OCIAD1: variants seen among roughly 807,000 people sequenced by gnomAD.
OCIAD1 encodes the protein OCIA domain-containing protein 1.
Under a neutral mutation model 38.9 loss-of-function variants are expected in OCIAD1, and 29 were observed. That is an observed-to-expected ratio of 0.74 (90% CI 0.55 to 1.02). The LOEUF is 1.02. Ranked by LOEUF, OCIAD1 falls within the 50% of genes least tolerant of loss-of-function variation. The pLI, the probability that OCIAD1 is intolerant of heterozygous loss-of-function variation, is 0.00. For synonymous variants in OCIAD1, 110 were observed against 92.0 expected (o/e 1.20, Z -1.12); for missense variants, 288 against 289.6 (o/e 0.99, Z 0.04).
chr4:48,845,538 T>A (rs908336081), intron 4 of OCIAD1, among the ~76,000 whole-genome samples: 1 of 152,194 alleles, frequency 6.6e-6, no homozygotes, highest in Non-Finnish European at 1.5e-5. Context: ...TACATTGTTA[T>A]ATAGCACTAA....
chr4:48,824,466 G>C (rs1284154202), intron 1 of OCIAD1, among the ~76,000 whole-genome samples: 1 of 151,888 alleles, frequency 6.6e-6, no homozygotes, highest in Non-Finnish European at 1.5e-5. Flanking sequence ...CTGCAACCCT[G>C]AACTCCTGGT....
chr4:48,850,055 G>C lies in OCIAD1; in HGVS notation c.350G>C (p.Gly117Ala). The part of the protein sequence containing the change: ...NSPLGEALRS[G>A]QARRSSPPGH... ...CCCCTTGGAGAAGCTTTACGATCAG[G>C]ACAAGCACGACGATCTTCACCACCT... The change falls in exon 6 of 9, where the codon GGA (glycine) becomes GCA (alanine). Residue 117 changes from glycine to alanine, a missense_variant. By Grantham distance (60) the Gly-to-Ala change is moderately conservative (BLOSUM62 0). Coordinates refer to ENST00000264312, the MANE Select transcript of OCIAD1 (RefSeq NM_017830.4). The C allele has an allele frequency of 6.2e-7, 1 of 1,612,576 alleles. No individual in the cohort carries two copies. Among genetic ancestry groups the C allele is most frequent in the Non-Finnish European group, 8.5e-7 (1 of 1,179,680 alleles).
At chr4:48,860,309 T>A (rs1220636647) in intron 8 of OCIAD1, 3 of 152,802 alleles carry the variant, frequency 2.0e-5, no homozygotes, top group Non-Finnish European at 4.4e-5. Flanking sequence ...TATTTCCCAC[T>A]ATTTTTTTTT....
chr4:48,831,616 T>C, intron 1 of OCIAD1: 1 of 1,167,476 alleles, frequency 8.6e-7, no homozygotes. Flanking sequence ...TTAAGCGCCG[T>C]GTCAGCCCTG....
chr4:48,859,471 T>A (rs1228216279), intron 8 of OCIAD1, among the ~76,000 whole-genome samples: 2 of 152,198 alleles, frequency 1.3e-5, no homozygotes, highest in Non-Finnish European at 2.9e-5. Flanking sequence ...TTACACTGTA[T>A]CAGAAATTGA....
rs543187312 is a variant in OCIAD1 at position 48,846,917 on chromosome 4, C to G, written c.194-1482C>G. Among the ~76,000 whole-genome samples the G allele has an allele frequency of 4.6e-5, 7 of 152,302 alleles. No individual in the cohort carries two copies. The South Asian group carries it at 1.4e-3, about 32-fold the overall frequency. ...TGTGTGAATACACCAGTTTATCTATCTGAACTGTGCATTGATAATTGGTAG... is the reference window on the plus strand; with the variant it reads ...TGTGTGAATACACCAGTTTATCTATGTGAACTGTGCATTGATAATTGGTAG... On this transcript the variant is annotated intron_variant, in intron 4 of 8. Transcript: ENST00000264312.
intron 4 of OCIAD1, 51 bp downstream of exon 4, chr4:48,842,740 T>C (rs1778649213): frequency 1.0e-6 from 1 of 976,070 alleles, no homozygotes; most frequent in African/African-American, 1.7e-5. Flanking sequence ...CCATGTTTGT[T>C]TTGTGGTATT....
intron 1 of OCIAD1, among the ~76,000 whole-genome samples, chr4:48,809,134 C>T (rs748891099): frequency 6.6e-6 from 1 of 152,184 alleles, no homozygotes; most frequent in Non-Finnish European, 1.5e-5. Context: ...CTGTTACCTA[C>T]ACAGCTCATA....
intron 1 of OCIAD1, among the ~76,000 whole-genome samples, chr4:48,823,824 CTT>C (rs71660459): frequency 1.4e-5 from 1 of 70,130 alleles, no homozygotes; most frequent in Non-Finnish European, 2.4e-5. Context: ...CAATGCCTGG[CTT>C]TTTTTTTTTT....
intron 1 of OCIAD1, among the ~76,000 whole-genome samples, chr4:48,806,616 T>C (rs1579031248): frequency 1.3e-5 from 2 of 152,194 alleles, no homozygotes; most frequent in African/African-American, 4.8e-5. Flanking sequence ...ACTTTTTTTT[T>C]CTTTTTTTGA....
intron 1 of OCIAD1, among the ~76,000 whole-genome samples, chr4:48,808,894 C>G (rs1038507160): frequency 2.6e-5 from 4 of 152,172 alleles, no homozygotes; most frequent in African/African-American, 9.7e-5. Context: ...AGGGGTTCTA[C>G]CACCCAGTAC....
chr4:48,810,580 A>G (rs1777077048), intron 1 of OCIAD1, among the ~76,000 whole-genome samples: 1 of 151,962 alleles, frequency 6.6e-6, no homozygotes, highest in South Asian at 2.1e-4. Context: ...TATGATATAT[A>G]CTCACCAATG....
intron 6 of OCIAD1, among the ~76,000 whole-genome samples, chr4:48,851,580 G>T (rs942616195): frequency 1.1e-4 from 16 of 152,058 alleles, no homozygotes; most frequent in Non-Finnish European, 2.2e-4. Flanking sequence ...AAGCTGAGGG[G>T]TAGGAGGATT....
chr4:48,839,435 CA>C (rs34347200), intron 3 of OCIAD1, among the ~76,000 whole-genome samples: 118 of 119,178 alleles, frequency 9.9e-4, no homozygotes, highest in Admixed American at 1.7e-3. Context: ...GACTTCATCT[CA>C]AAAAAAAAAA....
intron 1 of OCIAD1, among the ~76,000 whole-genome samples, chr4:48,807,436 T>C (rs986013854): frequency 6.6e-6 from 1 of 152,166 alleles, no homozygotes; most frequent in Non-Finnish European, 1.5e-5. Context: ...CGCCCTTGTA[T>C]CTCAACTTCC....
chr4:48,852,528 G>A, intron 7 of OCIAD1: 1 of 152,172 alleles, frequency 6.6e-6, no homozygotes, highest in East Asian at 1.9e-4. Flanking sequence ...CATCAATTTT[G>A]TATTAAGGCT....
chr4:48,845,592 G>C (rs538485368), intron 4 of OCIAD1, among the ~76,000 whole-genome samples: 1 of 152,116 alleles, frequency 6.6e-6, no homozygotes, highest in Admixed American at 6.6e-5. Context: ...TTCTTGTATG[G>C]GTTTTTTTGT....
chr4:48,839,598 A>G (rs1271186278), intron 3 of OCIAD1, among the ~76,000 whole-genome samples: 6 of 152,298 alleles, frequency 3.9e-5, no homozygotes, highest in Non-Finnish European at 8.8e-5. Context: ...TGAAATTATT[A>G]TAGGGATTAA....
chr4:48,849,748 G>T (rs542618467), intron 5 of OCIAD1, among the ~76,000 whole-genome samples, 199 bp from the exon 6 acceptor site: 1 of 152,012 alleles, frequency 6.6e-6, no homozygotes, highest in Non-Finnish European at 1.5e-5. Context: ...TTTGGAAACT[G>T]AATTATATCC....
Sources: gnomAD v4.1 joint callset for allele counts (sites outside exome capture counted in the v4.1 genomes callset) on GRCh38, gnomAD v4.1.1 for gene constraint, MANE v1.5 for transcripts, NCBI Gene and HGNC (gene_info 2026-07-23, HGNC 2026-07-21) for gene names.